DSCAM: variants seen among roughly 807,000 people sequenced by gnomAD.
DSCAM encodes the protein DS cell adhesion molecule.
In DSCAM, 47 loss-of-function variants were observed where a neutral mutation model predicts 217.7. The observed-to-expected ratio is 0.22, with a 90% CI of 0.17 to 0.28. The LOEUF (loss-of-function observed/expected upper bound fraction) is 0.28. Ranked by LOEUF, DSCAM falls within the 10% of genes least tolerant of loss-of-function variation. The pLI is 1.00. For missense variants in DSCAM, 2,080 were observed against 2,618.3 expected (o/e 0.79, Z 4.49); for synonymous variants, 1,056 against 1,015.3 (o/e 1.04, Z -0.76).
chr21:40,644,676 T>A (rs2089922327), intron 3 of DSCAM, among the ~76,000 whole-genome samples: 1 of 152,204 alleles, frequency 6.6e-6, no homozygotes, highest in African/African-American at 2.4e-5. Context: ...CATTCGGGGC[T>A]CTTGAGCTGC....
At chr21:40,688,536 G>C (rs141500829) in intron 3 of DSCAM, among the ~76,000 whole-genome samples, 11 of 152,146 alleles carry the variant, frequency 7.2e-5, no homozygotes, top group African/African-American at 2.7e-4. Flanking sequence ...TAAGTGATGA[G>C]GATGTCTAAA....
chr21:40,566,776 C>T (rs1227425393), intron 3 of DSCAM, among the ~76,000 whole-genome samples: 3 of 152,116 alleles, frequency 2.0e-5, no homozygotes. Context: ...CCAGGTTCCT[C>T]CACTCATGTA....
intron 16 of DSCAM, among the ~76,000 whole-genome samples, chr21:40,152,332 G>A (rs1263828241): frequency 6.6e-6 from 1 of 152,206 alleles, no homozygotes; most frequent in African/African-American, 2.4e-5. Context: ...TGAACGCAGT[G>A]CAAATCTAAG....
At chr21:40,721,115 T>C (rs13050833) in intron 1 of DSCAM, among the ~76,000 whole-genome samples, 27,992 of 152,136 alleles carry the variant, frequency 0.18, 3,508 homozygotes, top group African/African-American at 0.35. Flanking sequence ...ATCACACAGC[T>C]GCAGGGGACA....
At chr21:40,212,870 G>A (rs879741615) in intron 11 of DSCAM, among the ~76,000 whole-genome samples, 25 of 152,302 alleles carry the variant, frequency 1.6e-4, no homozygotes, top group African/African-American at 5.8e-4. Flanking sequence ...CAGAAAAGGA[G>A]AAGGCACAGA....
chr21:40,270,729 C>T (rs2073604466), intron 11 of DSCAM, among the ~76,000 whole-genome samples: 1 of 152,002 alleles, frequency 6.6e-6, no homozygotes, highest in Non-Finnish European at 1.5e-5. Context: ...TTCAAGGTGG[C>T]CAAAGCTTCA....
chr21:40,341,761 T>G (rs1480341669), intron 6 of DSCAM, among the ~76,000 whole-genome samples: 1 of 152,202 alleles, frequency 6.6e-6, no homozygotes. Context: ...AGATGTAACT[T>G]TGGAACAGTA....
At chr21:40,170,246 G>A (rs2090641565) in intron 15 of DSCAM, among the ~76,000 whole-genome samples, 1 of 152,148 alleles carries the variant, frequency 6.6e-6, no homozygotes, top group Non-Finnish European at 1.5e-5. Flanking sequence ...ACCTGCCTAG[G>A]CCTGGGGACC....
chr21:40,104,403 C>T (rs1050663645), intron 20 of DSCAM, among the ~76,000 whole-genome samples: 1 of 152,008 alleles, frequency 6.6e-6, no homozygotes, highest in African/African-American at 2.4e-5. Context: ...AATTTATTTC[C>T]TTAAATAGTA....
intron 20 of DSCAM, among the ~76,000 whole-genome samples, chr21:40,094,998 T>C (rs547539491): frequency 6.6e-6 from 1 of 152,298 alleles, no homozygotes; most frequent in Admixed American, 6.5e-5. Flanking sequence ...ATTAGTCCAT[T>C]TTCATGCTGC....
intron 3 of DSCAM, among the ~76,000 whole-genome samples, chr21:40,683,831 T>C (rs998904674): frequency 6.6e-6 from 1 of 152,098 alleles, no homozygotes; most frequent in East Asian, 1.9e-4. Context: ...GAGTTGAGAA[T>C]GGGGTGCTCC....
At chr21:40,536,215 A>G (rs1355799656) in intron 3 of DSCAM, among the ~76,000 whole-genome samples, 12 of 152,126 alleles carry the variant, frequency 7.9e-5, no homozygotes, top group Admixed American at 7.9e-4. Context: ...CGACTGGGAC[A>G]CTGTTAAGGG....
chr21:40,153,331 C>G (rs543385566), intron 16 of DSCAM, among the ~76,000 whole-genome samples: 1 of 152,192 alleles, frequency 6.6e-6, no homozygotes, highest in East Asian at 1.9e-4. Flanking sequence ...GCCCAGAGTA[C>G]TATGGAGGGG....
At chr21:40,592,475 A>G (rs1188667104) in intron 3 of DSCAM, among the ~76,000 whole-genome samples, 2 of 152,188 alleles carry the variant, frequency 1.3e-5, no homozygotes, top group Non-Finnish European at 2.9e-5. Flanking sequence ...AGACCTCGCT[A>G]TCATTTTTAA....
At chr21:40,019,262 T>G (rs1323792107) in intron 32 of DSCAM, among the ~76,000 whole-genome samples, 1 of 152,206 alleles carries the variant, frequency 6.6e-6, no homozygotes, top group Non-Finnish European at 1.5e-5. Flanking sequence ...ATGGGGACAT[T>G]GGCACAGCAT....
In DSCAM at chr21:40,567,059, A is replaced by G. The variant is rs1209856870; in HGVS notation, c.508+125751T>C. On this transcript the variant is annotated intron_variant, in intron 3 of 32. Transcript: ENST00000400454. Reference sequence around the variant, plus strand: ...TAAGCAGGGCCATGTTAAGATGCTCATGGGTCCTCCCTCCCCAAAAATCAG... The same window carrying G: ...TAAGCAGGGCCATGTTAAGATGCTCGTGGGTCCTCCCTCCCCAAAAATCAG... 2.0e-5 allele frequency among the ~76,000 whole-genome samples: 3 copies of G among 152,162 alleles called. No homozygotes were observed. In the East Asian group the frequency reaches 5.8e-4, roughly 30 times the overall value.
chr21:40,320,715 C>T (rs534566787), intron 8 of DSCAM, among the ~76,000 whole-genome samples: 2 of 152,266 alleles, frequency 1.3e-5, no homozygotes, highest in East Asian at 1.9e-4. Flanking sequence ...GACGCAAAAG[C>T]GGAAATCCCT....
intron 3 of DSCAM, among the ~76,000 whole-genome samples, chr21:40,639,031 G>A (rs528278803): frequency 7.3e-5 from 11 of 150,522 alleles, no homozygotes; most frequent in African/African-American, 2.2e-4. Flanking sequence ...GGATTCCCAT[G>A]TTTGCTCATT....
Position 40,093,741 on chromosome 21 carries a change from G to A in DSCAM, c.3830C>T (p.Thr1277Ile). The change falls in exon 21 of 33, where the codon ACA becomes ATA. Residue 1277 changes from threonine (T) to isoleucine (I), a missense_variant. Coordinates refer to ENST00000400454, the MANE Select transcript of DSCAM (RefSeq NM_001389.5). ...AGRGNSSEII[T>I]VEPLAKAPAR... ...CCTACCTTTTGCTAGTGGCTCGACT[G>A]TGATGATTTCACTGCTGTTGCCTCT... The A allele has an allele frequency of 6.2e-7, 1 of 1,613,722 alleles. No homozygotes were observed. Among genetic ancestry groups the A allele is most frequent in the Non-Finnish European group, 8.5e-7 (1 of 1,179,868 alleles).
Sources: gnomAD v4.1 joint callset for allele counts (sites outside exome capture counted in the v4.1 genomes callset) on GRCh38, gnomAD v4.1.1 for gene constraint, MANE v1.5 for transcripts, NCBI Gene and HGNC (gene_info 2026-07-23, HGNC 2026-07-21) for gene names.